EIF2D: variants seen among roughly 807,000 people sequenced by gnomAD.
The protein encoded by EIF2D is hepatocellular carcinoma-associated antigen 56.
EIF2D carries 56 observed loss-of-function variants against 77.4 expected under a neutral mutation model. The observed-to-expected ratio is 0.72, with a 90% CI of 0.58 to 0.90. The LOEUF (loss-of-function observed/expected upper bound fraction) is 0.90. Among genes scored for constraint, EIF2D ranks in the 40% least tolerant of loss-of-function variants. The pLI is 0.00. For synonymous variants in EIF2D, 230 were observed against 271.0 expected, an observed-to-expected ratio of 0.85 and a Z score of 1.49; for missense variants, 574 against 706.5, an observed-to-expected ratio of 0.81 and a Z score of 2.13.
At chr1:206,591,304 G>A (rs1558528638), downstream of EIF2D, among the ~76,000 whole-genome samples, 1 of 152,118 alleles carries the variant, frequency 6.6e-6, no homozygotes, top group Non-Finnish European at 1.5e-5. Flanking sequence ...TGCAATTTAG[G>A]GTCAATTCTT....
chr1:206,586,763 G>T (rs1423719417), downstream of EIF2D: 3 of 1,304,152 alleles, frequency 2.3e-6, no homozygotes, highest in African/African-American at 2.9e-5. Flanking sequence ...CTCTCAGGTC[G>T]TGTCAACTTC....
In EIF2D at chr1:206,608,292, A is replaced by T. The variant is rs782420852; in HGVS notation, c.366T>A (p.Ala122=). ...LMLPGLVMPP[A]GLPQVQKGDL... The stretch of plus-strand genomic sequence containing the variant: ...CGCCCTTCTGTACCTGAGGCAGACC[A>T]GCAGGGGGCATCACCAGTCCAGGCA... The change falls in exon 4 of 15, where the codon GCT becomes GCA. Residue 122 remains alanine, a synonymous_variant. Transcript: ENST00000271764. The T allele has an allele frequency of 1.9e-6, 3 of 1,613,650 alleles. No homozygotes were observed. The highest frequency in any genetic ancestry group is 2.5e-6 in the Non-Finnish European group (3 of 1,179,770).
chr1:206,581,680 A>G (rs2103567190), intron 2 of EIF2D, among the ~76,000 whole-genome samples: 1 of 152,088 alleles, frequency 6.6e-6, no homozygotes, highest in Middle Eastern at 3.4e-3. Context: ...AAGGAAAGAA[A>G]GAAAGGAGGA....
chr1:206,599,659 C>T lies in EIF2D; in HGVS notation c.1053-47G>A. ...GAAAAAACACATTTTATACTAGCAT[C>T]TCAGCAATCCCCAGTCCGTGGCCCA... On this transcript the variant is annotated intron_variant, in intron 9 of 14. Coordinates refer to ENST00000271764, the MANE Select transcript of EIF2D (RefSeq NM_006893.3). This position sits in a 1 kb window ranked among gnomAD's most constrained non-coding sequence, Gnocchi z 4.1. 3 of 1,609,176 alleles carry T rather than the reference C, an allele frequency of 1.9e-6. No individual in the cohort carries two copies. Among genetic ancestry groups the T allele is most frequent in the Non-Finnish European group, 2.5e-6 (3 of 1,178,008 alleles).
intron 2 of EIF2D, among the ~76,000 whole-genome samples, chr1:206,581,610 AAGAG>A (rs1244539069): frequency 1.7e-4 from 25 of 148,076 alleles, no homozygotes; most frequent in South Asian, 6.5e-4. Flanking sequence ...GAAAGAAAGA[AAGAG>A]AGAGAGACAG....
rs782099201 is a variant in EIF2D, at chr1:206,593,724, G to A, written c.1579C>T (p.Arg527Ter). ...PYSVAAILQQRCQASTTVNPA... is the reference protein window; with the variant it reads ...PYSVAAILQQ ...TTGACGGTGGTGCTAGCCTGGCATC[G>A]CTGCTGAAGGATGGCAGCCACTGAG... Residue 527 changes from arginine to a stop codon, truncating the protein, a stop_gained, in exon 14 of 15, where the codon CGA becomes TGA. Coordinates refer to ENST00000271764, the MANE Select transcript of EIF2D (RefSeq NM_006893.3). LOFTEE classifies it high-confidence loss of function. 14 of 1,613,664 alleles carry A rather than the reference G, an allele frequency of 8.7e-6. No individual in the cohort carries two copies. Among genetic ancestry groups the A allele is most frequent in the Middle Eastern group, 1.7e-4 (1 of 6,012 alleles).
chr1:206,584,290 A>ACTT lies in EIF2D; in HGVS notation c.139-3129_139-3128insAAG. 8.3e-7 allele frequency: 1 copy of ACTT among 1,206,376 alleles called. No homozygotes were observed. The highest frequency in any genetic ancestry group is 1.2e-6 in the Non-Finnish European group (1 of 865,104). 74.7% of individuals were successfully genotyped at this position (1,206,376 alleles called of 1,614,324 possible). On this transcript the variant is annotated intron_variant and NMD_transcript_variant, in intron 2 of 5. Coordinates refer to the EIF2D transcript ENST00000472709. This position sits in a 1 kb window ranked among gnomAD's most constrained non-coding sequence, Gnocchi z 4.9. ...AGCAGAGGCAGGAAAGAACTCAAGG[A>ACTT]GACAGGTGGGTGCTGCTGGGGCAAT...
chr1:206,583,203 G>C, intron 2 of EIF2D: 1 of 1,048,280 alleles, frequency 9.5e-7, no homozygotes, highest in South Asian at 1.3e-5. Flanking sequence ...TGGGGAGGGC[G>C]TGGTTGTTCC....
chr1:206,591,777 ACTT>A lies in EIF2D; in HGVS notation c.1750_1752del (p.Lys584del), dbSNP rs1342220527. 6.8e-6 allele frequency: 11 copies of A among 1,614,038 alleles called. No individual in the cohort carries two copies. In the East Asian group the frequency reaches 8.9e-5, roughly 13 times the overall value. The stretch of plus-strand genomic sequence containing the variant: ...ACCACGTGAGACAAAAGAGTCTGTC[ACTT>A]CTTCTTGCCAGGTTTGAGGGCCTTT... On this transcript the variant is annotated inframe_deletion, in exon 15 of 15. Coordinates refer to ENST00000271764, the MANE Select transcript of EIF2D (RefSeq NM_006893.3).
At position 206,584,733 on chromosome 1, in the gene EIF2D, C is replaced by T. The variant is rs782728001; in HGVS notation, c.139-3571G>A. On this transcript the variant is annotated intron_variant and NMD_transcript_variant, in intron 2 of 5. Transcript: ENST00000472709. This position sits in a 1 kb window ranked among gnomAD's most constrained non-coding sequence, Gnocchi z 4.9. ...CAGACCGTTCCCTTCCTACCTGTGT[C>T]CAAGCCCACCCACTAAAACTCCTGC... 4 of 1,599,614 alleles carry T rather than the reference C, an allele frequency of 2.5e-6. No homozygotes were observed. The highest frequency in any genetic ancestry group is 1.7e-5 in the Admixed American group (1 of 58,710).
chr1:206,612,165 C>A, intron 1 of EIF2D, 122 bp downstream of exon 1: 1 of 1,365,900 alleles, frequency 7.3e-7, no homozygotes, highest in South Asian at 1.2e-5. Context: ...GGGTCCCTTC[C>A]CTGGCATACC....
At position 206,584,513 on chromosome 1, in the gene EIF2D, A is replaced by C; in HGVS notation, c.139-3351T>G. On this transcript the variant is annotated intron_variant and NMD_transcript_variant, in intron 2 of 5. Transcript: ENST00000472709. The surrounding 1 kb of genome is among the most constrained non-coding windows in gnomAD (Gnocchi z 4.9). ...CATCAAGGAGGTGAACCTGGCGGCT[A>C]CCACGGACAAGCGGACATCCTTCTA... 1 of 1,614,150 alleles carries C rather than the reference A, an allele frequency of 6.2e-7. No individual in the cohort carries two copies. Among genetic ancestry groups the C allele is most frequent in the Non-Finnish European group, 8.5e-7 (1 of 1,180,002 alleles).
At chr1:206,590,621 T>C (rs782015598), downstream of EIF2D, among the ~76,000 whole-genome samples, 4 of 152,174 alleles carry the variant, frequency 2.6e-5, no homozygotes, top group Non-Finnish European at 5.9e-5. Context: ...TTAAGGAGTT[T>C]ACTCATGAGT....
Position 206,611,282 on chromosome 1 carries a change from A to G in EIF2D, c.149T>C (p.Ile50Thr), listed in dbSNP as rs782353865. ...CCCTTTGTGAGCATACAACTTCACA[A>G]TGTTGAGCTCCTCCTTTCCAGGTAC... ...ELVPGKEELN[I>T]VKLYAHKGDA... Residue 50 changes from isoleucine to threonine, a missense_variant, in exon 2 of 15, where the codon ATT becomes ACT. By Grantham distance (89) the Ile-to-Thr change is moderately conservative. Transcript: ENST00000271764. The G allele has an allele frequency of 1.2e-6, 2 of 1,614,250 alleles. No homozygotes were observed. The highest frequency in any genetic ancestry group is 1.7e-6 in the Non-Finnish European group (2 of 1,180,044).
At chr1:206,571,262 C>T (rs979944413), downstream of EIF2D, 5 of 147,226 alleles carry the variant, frequency 3.4e-5, no homozygotes, top group Non-Finnish European at 6.0e-5. Flanking sequence ...TGTTCATGTC[C>T]ATTGTCTATT....
intron 4 of EIF2D, among the ~76,000 whole-genome samples, chr1:206,606,904 G>A (rs1224703753): frequency 3.9e-5 from 6 of 152,186 alleles, no homozygotes; most frequent in African/African-American, 7.2e-5. Context: ...GCAGGTAGGT[G>A]TAAAAACTGA....
Position 206,611,293 on chromosome 1 carries a change from C to T in EIF2D, c.138G>A (p.Glu46=). Residue 46 remains glutamate, a synonymous_variant, in exon 2 of 15, where the codon GAG becomes GAA. Transcript: ENST00000271764. ...CATACAACTTCACAATGTTGAGCTC[C>T]TCCTTTCCAGGTACTAACTCAGAGA... The part of the protein sequence containing the change: ...DQVSELVPGK[E]ELNIVKLYAH... 2 of 1,614,220 alleles carry T rather than the reference C, an allele frequency of 1.2e-6. No individual in the cohort carries two copies. The highest frequency in any genetic ancestry group is 1.6e-4 in the Middle Eastern group (1 of 6,062).
At chr1:206,607,389 G>A (rs530982249) in intron 4 of EIF2D, among the ~76,000 whole-genome samples, 4 of 152,230 alleles carry the variant, frequency 2.6e-5, no homozygotes, top group South Asian at 2.1e-4. Context: ...GTTATTTCTA[G>A]GAGAAAAAGA....
At chr1:206,578,367 C>T (rs1009147633) in intron 4 of EIF2D, among the ~76,000 whole-genome samples, 3 of 151,894 alleles carry the variant, frequency 2.0e-5, no homozygotes, top group Non-Finnish European at 4.4e-5. Context: ...AAATGAGCAT[C>T]ATAATAGTAT....
Sources: allele counts gnomAD v4.1 joint callset (sites outside exome capture counted in the v4.1 genomes callset), GRCh38; gene constraint gnomAD v4.1.1; non-coding constraint Gnocchi (gnomAD v3.1); transcripts MANE v1.5; gene names NCBI Gene and HGNC (gene_info 2026-07-23, HGNC 2026-07-21).